The following FRYL variants were observed in gnomAD, a reference collection of about 807,000 sequenced individuals.
The protein encoded by FRYL is protein furry homolog-like.
FRYL carries 150 observed loss-of-function variants against 351.2 expected under a neutral mutation model. The observed-to-expected ratio is 0.43, with a 90% CI of 0.37 to 0.49. FRYL has a LOEUF of 0.49. FRYL is among the 20% of genes least tolerant of loss of function. The pLI is 0.00. For missense variants in FRYL, 3,036 were observed against 3,619.3 expected, an observed-to-expected ratio of 0.84 and a Z score of 4.13; for synonymous variants, 1,153 against 1,257.1, an observed-to-expected ratio of 0.92 and a Z score of 1.75.
intron 24 of FRYL, 84 bp downstream of exon 24, chr4:48,575,946 T>G (rs1739508813): frequency 8.9e-7 from 1 of 1,117,892 alleles, no homozygotes; most frequent in South Asian, 1.8e-5. Context: ...GTTACTTTAT[T>G]GTCCATAAAA....
At chr4:48,676,397 G>A (rs1763683042) in intron 3 of FRYL, among the ~76,000 whole-genome samples, 1 of 152,058 alleles carries the variant, frequency 6.6e-6, no homozygotes, top group Admixed American at 6.5e-5. Context: ...GACTCCAGAC[G>A]CACCATCTTA....
intron 4 of FRYL, among the ~76,000 whole-genome samples, chr4:48,631,726 G>T (rs1412304383): frequency 6.6e-6 from 1 of 151,764 alleles, no homozygotes; most frequent in Non-Finnish European, 1.5e-5. Flanking sequence ...TTTAGCTTAG[G>T]GGGGGATGAC....
intron 1 of FRYL, among the ~76,000 whole-genome samples, chr4:48,758,116 C>A (rs936287933): frequency 6.6e-6 from 1 of 152,158 alleles, no homozygotes; most frequent in African/African-American, 2.4e-5. Flanking sequence ...AATGGCAGAC[C>A]TGAAAGCATA....
At position 48,536,235 on chromosome 4, in the gene FRYL, C is replaced by G. The variant is rs556332707; in HGVS notation, c.6394-408G>C. On this transcript the variant is annotated intron_variant, in intron 47 of 63. Coordinates refer to ENST00000358350, the MANE Select transcript of FRYL (RefSeq NM_015030.2). Reference sequence around the variant, plus strand: ...TCAGGGAGGCTCCGAGCTGCTGTGACTGGGAGGAAATGCTTCAGCCTCCAG... The same window carrying G: ...TCAGGGAGGCTCCGAGCTGCTGTGAGTGGGAGGAAATGCTTCAGCCTCCAG... 8.2e-3 allele frequency among the ~76,000 whole-genome samples: 1,253 copies of G among 152,304 alleles called. 16 individuals carry two copies. The highest frequency in any genetic ancestry group is 0.013 in the Non-Finnish European group (889 of 68,028).
At chr4:48,655,369 A>G (rs1469488682) in intron 3 of FRYL, among the ~76,000 whole-genome samples, 2 of 152,106 alleles carry the variant, frequency 1.3e-5, no homozygotes. Flanking sequence ...TTTAGACACC[A>G]GGATTTCTCC....
At chr4:48,653,749 C>T in intron 3 of FRYL, 1 of 1,290,572 alleles carries the variant, frequency 7.7e-7, no homozygotes, top group Non-Finnish European at 1.0e-6. Context: ...GGACTTTATG[C>T]TAATTTCAAA....
At chr4:48,676,335 G>C (rs576373947) in intron 3 of FRYL, among the ~76,000 whole-genome samples, 3 of 151,976 alleles carry the variant, frequency 2.0e-5, no homozygotes, top group African/African-American at 7.2e-5. Context: ...GTGAGACCAC[G>C]AACCCACCAG....
At chr4:48,732,707 A>T (rs537634423) in intron 1 of FRYL, among the ~76,000 whole-genome samples, 1 of 150,582 alleles carries the variant, frequency 6.6e-6, no homozygotes, top group South Asian at 2.1e-4. Flanking sequence ...GTTCTCACTC[A>T]TAAGTAGGAG....
In FRYL at chr4:48,599,327, CA is replaced by C. The variant is rs372898933; in HGVS notation, c.1035+2692del. Among the ~76,000 whole-genome samples the C allele has an allele frequency of 1.3e-4, 20 of 152,214 alleles. No individual in the cohort carries two copies. In the East Asian group the frequency reaches 3.9e-3, roughly 29 times the overall value. ...TATAGATATAGGAATGGGAGAATAC[CA>C]AATTCTGTTTGGGACAAAAATTAAA... On this transcript the variant is annotated intron_variant, in intron 13 of 63. Transcript: ENST00000358350.
intron 2 of FRYL, among the ~76,000 whole-genome samples, chr4:48,705,605 A>T (rs1369051021): frequency 6.6e-6 from 1 of 152,052 alleles, no homozygotes; most frequent in African/African-American, 2.4e-5. Context: ...TATACGGAGA[A>T]GAAAACAGAA....
At chr4:48,738,873 A>G (rs571106370) in intron 1 of FRYL, among the ~76,000 whole-genome samples, 4 of 152,092 alleles carry the variant, frequency 2.6e-5, no homozygotes, top group African/African-American at 7.2e-5. Context: ...CGCAATCTCA[A>G]TGAAAATTTC....
chr4:48,548,540 A>G, intron 40 of FRYL, 150 bp downstream of exon 40: 2 of 598,906 alleles, frequency 3.3e-6, no homozygotes, highest in Non-Finnish European at 6.0e-6. Context: ...TAACTCCCCA[A>G]GAGACCAGAG....
At chr4:48,561,332 GA>G in intron 33 of FRYL, 135 bp downstream of exon 33, 2 of 541,180 alleles carry the variant, frequency 3.7e-6, no homozygotes, top group Admixed American at 3.5e-5. Flanking sequence ...TCTTATTGAA[GA>G]AAAAAATATT....
At chr4:48,688,331 G>A (rs1212211922) in intron 2 of FRYL, among the ~76,000 whole-genome samples, 1 of 152,144 alleles carries the variant, frequency 6.6e-6, no homozygotes, top group African/African-American at 2.4e-5. Flanking sequence ...TGTAGTTCCT[G>A]TAATACCAAA....
At chr4:48,655,091 A>C (rs1490177926) in intron 3 of FRYL, among the ~76,000 whole-genome samples, 1 of 152,224 alleles carries the variant, frequency 6.6e-6, no homozygotes, top group Non-Finnish European at 1.5e-5. Flanking sequence ...ATCATAAGCT[A>C]AAATAACATC....
At chr4:48,499,921 C>T in intron 63 of FRYL, 109 bp downstream of exon 63, 1 of 869,404 alleles carries the variant, frequency 1.2e-6, no homozygotes, top group Non-Finnish European at 1.8e-6. Flanking sequence ...TCATGTTTTT[C>T]TTTCACAAAG....
intron 2 of FRYL, among the ~76,000 whole-genome samples, chr4:48,702,140 A>C (rs2149576823): frequency 6.6e-6 from 1 of 152,188 alleles, no homozygotes; most frequent in South Asian, 2.1e-4. Flanking sequence ...ACGTATATCT[A>C]CTGGGTTCCT....
intron 1 of FRYL, among the ~76,000 whole-genome samples, chr4:48,774,830 C>A (rs1274200498): frequency 6.6e-6 from 1 of 152,184 alleles, no homozygotes; most frequent in African/African-American, 2.4e-5. Flanking sequence ...CAGGCGTGAG[C>A]CACCGCGTCC....
At chr4:48,754,912 G>T (rs1773623889) in intron 1 of FRYL, among the ~76,000 whole-genome samples, 1 of 152,118 alleles carries the variant, frequency 6.6e-6, no homozygotes, top group Non-Finnish European at 1.5e-5. Flanking sequence ...AAAGTGCTGG[G>T]ATTACAGGCG....
Sources: gnomAD v4.1 joint callset for allele counts (sites outside exome capture counted in the v4.1 genomes callset) on GRCh38, gnomAD v4.1.1 for gene constraint, MANE v1.5 for transcripts, NCBI Gene and HGNC (gene_info 2026-07-23, HGNC 2026-07-21) for gene names.